The following ARFGEF3 variants were observed in gnomAD, a reference collection of about 807,000 sequenced individuals.
ARFGEF3 encodes the protein ARFGEF family member 3.
In ARFGEF3, 96 loss-of-function variants were observed where a neutral mutation model predicts 221.7. That is an observed-to-expected ratio of 0.43 (90% CI 0.37 to 0.51). The LOEUF (loss-of-function observed/expected upper bound fraction) is 0.51, where lower values mean the gene tolerates loss of function less well. Among genes scored for constraint, ARFGEF3 ranks in the 20% least tolerant of loss-of-function variants. The pLI, the probability that ARFGEF3 is intolerant of heterozygous loss-of-function variation, is 0.00. For missense variants in ARFGEF3, 2,410 were observed against 2,789.9 expected, an observed-to-expected ratio of 0.86 and a Z score of 3.07; for synonymous variants, 1,145 against 1,126.8, an observed-to-expected ratio of 1.02 and a Z score of -0.32.
Position 138,170,682 on chromosome 6 carries a change from AC to A in ARFGEF3, c.108del (p.Ile37LeufsTer9). On this transcript the variant is annotated frameshift_variant, in exon 2 of 34. Coordinates refer to ENST00000251691, the MANE Select transcript of ARFGEF3 (RefSeq NM_020340.5). LOFTEE classifies it high-confidence loss of function. ...WALETLGGLDTIVKIPPHVLR... is the reference protein window; with the variant it reads ...WALETLGGLDXIVKIPPHVLR... Reference sequence around the variant, plus strand: ...TGCAGAAACTCTAGGTGGTCTGGATACCATTGTCAAGATCCCTCCACATGTA... The same window carrying A: ...TGCAGAAACTCTAGGTGGTCTGGATACATTGTCAAGATCCCTCCACATGTA... The A allele has an allele frequency of 6.3e-7, 1 of 1,588,114 alleles. No homozygotes were observed. The highest frequency in any genetic ancestry group is 8.6e-7 in the Non-Finnish European group (1 of 1,156,604).
chr6:138,292,811 A>G (rs201381526), intron 19 of ARFGEF3, among the ~76,000 whole-genome samples: 4 of 152,292 alleles, frequency 2.6e-5, no homozygotes, highest in East Asian at 3.9e-4. Flanking sequence ...CTGAGGCTCA[A>G]TTTCTCCAAC....
rs1172536456 is a variant in ARFGEF3, at chr6:138,182,037, C to T, written c.137+11324C>T. ...CTTCTGGGAGAAGGGTGGGTGCAGA[C>T]TAGAATCATGTGTTGTTTTCTTGGA... On this transcript the variant is annotated intron_variant, in intron 2 of 33. Transcript: ENST00000251691. Among the ~76,000 whole-genome samples the T allele has an allele frequency of 2.6e-5, 4 of 152,232 alleles. No homozygotes were observed. The East Asian group carries it at 5.8e-4, about 22-fold the overall frequency.
chr6:138,299,112 C>T (rs1006228433), intron 22 of ARFGEF3, among the ~76,000 whole-genome samples: 2 of 144,012 alleles, frequency 1.4e-5, no homozygotes, highest in Non-Finnish European at 3.0e-5. Context: ...GCAGGAGAAT[C>T]GCTTGAACCA....
In ARFGEF3 at chr6:138,291,448, G is replaced by A. The variant is rs9495003; in HGVS notation, c.3048-285G>A. ...GTAAGCCGGATGAGGCAGGGGGACT[G>A]GATGAACTGGGCTTCATTGCCCGTC... On this transcript the variant is annotated intron_variant, in intron 18 of 33. Coordinates refer to ENST00000251691, the MANE Select transcript of ARFGEF3 (RefSeq NM_020340.5). This position sits in a 1 kb window ranked among gnomAD's most constrained non-coding sequence, Gnocchi z 4.5. 0.018 allele frequency among the ~76,000 whole-genome samples: 2,681 copies of A among 152,244 alleles called. 36 individuals are homozygous for A. The highest frequency in any genetic ancestry group is 0.038 in the African/African-American group (1,587 of 41,528).
intron 4 of ARFGEF3, among the ~76,000 whole-genome samples, chr6:138,226,936 A>G (rs910757234): frequency 2.6e-5 from 4 of 152,170 alleles, no homozygotes; most frequent in African/African-American, 7.2e-5. Flanking sequence ...TGTAATTAAA[A>G]TCTGCTGTGC....
At chr6:138,317,950 G>T (rs1779955673) in intron 27 of ARFGEF3, among the ~76,000 whole-genome samples, 1 of 152,136 alleles carries the variant, frequency 6.6e-6, no homozygotes, top group Non-Finnish European at 1.5e-5. Context: ...ATTTCTTGTT[G>T]TGAATTAATC....
chr6:138,326,138 T>C (rs1217557152), intron 31 of ARFGEF3, among the ~76,000 whole-genome samples: 1 of 151,760 alleles, frequency 6.6e-6, no homozygotes, highest in African/African-American at 2.4e-5. Context: ...ATTACAGGCA[T>C]GAGCCACTGC....
Position 138,162,177 on chromosome 6 carries a change from CGTCCGGCACCTGCTCGCCG to C in ARFGEF3, c.85+7_85+25del. ...GAGCTGCACCTGGGCCCTGGGTAAG[CGTCCGGCACCTGCTCGCCG>C]CGGCGGGAGGGCCGCGCGGCCGGGG... On this transcript the variant is annotated splice_region_variant and intron_variant, in intron 1 of 33. Coordinates refer to ENST00000251691, the MANE Select transcript of ARFGEF3 (RefSeq NM_020340.5). The surrounding 1 kb of genome is among the most constrained non-coding windows in gnomAD (Gnocchi z 4.7). 1 of 1,592,920 alleles carries C rather than the reference CGTCCGGCACCTGCTCGCCG, an allele frequency of 6.3e-7. No homozygotes were observed. Among genetic ancestry groups the C allele is most frequent in the Non-Finnish European group, 8.6e-7 (1 of 1,168,460 alleles).
chr6:138,318,877 A>G (rs1779971894), intron 27 of ARFGEF3, among the ~76,000 whole-genome samples: 1 of 152,246 alleles, frequency 6.6e-6, no homozygotes. Context: ...ATGGATAAGT[A>G]AACTGCTGTA....
chr6:138,265,901 A>G (rs1778883870), intron 12 of ARFGEF3, among the ~76,000 whole-genome samples: 1 of 150,242 alleles, frequency 6.7e-6, no homozygotes, highest in African/African-American at 2.4e-5. Context: ...ACACCCAGCA[A>G]TTTTTTTTTT....
intron 26 of ARFGEF3, 35 bp downstream of exon 26, chr6:138,313,974 G>T: frequency 6.2e-7 from 1 of 1,605,278 alleles, no homozygotes; most frequent in Non-Finnish European, 8.5e-7. Flanking sequence ...TAGGTTATTT[G>T]CTGTGTTCAT....
At chr6:138,172,262 A>T (rs1179915078) in intron 2 of ARFGEF3, among the ~76,000 whole-genome samples, 1 of 152,228 alleles carries the variant, frequency 6.6e-6, no homozygotes, top group Non-Finnish European at 1.5e-5. Context: ...CTGTGAAGGC[A>T]TGGATAGTTT....
intron 4 of ARFGEF3, among the ~76,000 whole-genome samples, chr6:138,220,587 A>G (rs576664744): frequency 3.7e-4 from 56 of 152,326 alleles, no homozygotes; most frequent in African/African-American, 1.3e-3. Context: ...TTTAGGCTAG[A>G]GTCTATTTCT....
At chr6:138,214,743 C>T (rs1777802935) in intron 4 of ARFGEF3, among the ~76,000 whole-genome samples, 1 of 151,994 alleles carries the variant, frequency 6.6e-6, no homozygotes, top group African/African-American at 2.4e-5. Context: ...TCCAATATTC[C>T]AAGGATAGTA....
At chr6:138,326,410 C>G (rs1193160345) in intron 31 of ARFGEF3, among the ~76,000 whole-genome samples, 1 of 152,086 alleles carries the variant, frequency 6.6e-6, no homozygotes, top group Non-Finnish European at 1.5e-5. Flanking sequence ...CCATAAGACT[C>G]CATCTCTTAA....
At chr6:138,260,491 A>G (rs1176265866) in intron 10 of ARFGEF3, among the ~76,000 whole-genome samples, 2 of 152,234 alleles carry the variant, frequency 1.3e-5, no homozygotes, top group Admixed American at 1.3e-4. Flanking sequence ...TTAGAAATGA[A>G]CAATTATGAA....
At position 138,214,414 on chromosome 6, in the gene ARFGEF3, A is replaced by G. The variant is rs537527044; in HGVS notation, c.351+4373A>G. On this transcript the variant is annotated intron_variant, in intron 4 of 33. Transcript: ENST00000251691. Reference sequence around the variant, plus strand: ...GGCACAGAAAACCTTTTAAAACAAGATATGGTGGACATCTTCAAATGTTGG... The same window carrying G: ...GGCACAGAAAACCTTTTAAAACAAGGTATGGTGGACATCTTCAAATGTTGG... Among the ~76,000 whole-genome samples the G allele has an allele frequency of 1.5e-4, 23 of 152,340 alleles. No individual in the cohort carries two copies. The South Asian group carries it at 4.8e-3, about 32-fold the overall frequency.
At chr6:138,191,859 G>A (rs1041051703) in intron 2 of ARFGEF3, among the ~76,000 whole-genome samples, 2 of 152,108 alleles carry the variant, frequency 1.3e-5, no homozygotes, top group African/African-American at 2.4e-5. Flanking sequence ...TTTCAGCGCT[G>A]GGTCCTTCTA....
intron 22 of ARFGEF3, among the ~76,000 whole-genome samples, chr6:138,299,196 T>C: frequency 1.7e-5 from 1 of 58,542 alleles, no homozygotes; most frequent in Non-Finnish European, 3.1e-5. Context: ...AGCGAGACTC[T>C]GTAAAAAAAA....
Sources: gnomAD v4.1 joint callset for allele counts (sites outside exome capture counted in the v4.1 genomes callset) on GRCh38, gnomAD v4.1.1 for gene constraint, Gnocchi (gnomAD v3.1) non-coding constraint, MANE v1.5 for transcripts, NCBI Gene and HGNC (gene_info 2026-07-23, HGNC 2026-07-21) for gene names.